Variants in STAT4 observed in about 807,000 individuals in gnomAD.
STAT4 encodes the protein signal transducer and activator of transcription 4.
In STAT4, 42 loss-of-function variants were observed where a neutral mutation model predicts 110.5. That is an observed-to-expected ratio of 0.38 (90% CI 0.30 to 0.49). The LOEUF (loss-of-function observed/expected upper bound fraction) is 0.49. Ranked by LOEUF, STAT4 falls within the 20% of genes least tolerant of loss-of-function variation. The pLI is 0.95. For synonymous variants in STAT4, 284 were observed against 302.2 expected (o/e 0.94, Z 0.63); for missense variants, 632 against 887.9 (o/e 0.71, Z 3.66).
rs144091208 is a variant in STAT4, at chr2:191,033,986, G to A, written c.1640C>T (p.Ser547Leu). The A allele has an allele frequency of 6.2e-7, 1 of 1,608,738 alleles. No homozygotes were observed. Among genetic ancestry groups the A allele is most frequent in the Non-Finnish European group, 8.5e-7 (1 of 1,177,386 alleles). The change falls in exon 19 of 24, where the codon TCA (serine) becomes TTA (leucine). Residue 547 changes from serine to leucine, a missense_variant. This residue lies in a region of STAT4 where 74 missense variants were observed against 154.3 expected (regional missense o/e 0.48). Transcript: ENST00000392320. The surrounding 1 kb of genome is among the most constrained non-coding windows in gnomAD (Gnocchi z 6.9). ...KFCKEHLPGK[S>L]FTFWTWLEAI... The stretch of plus-strand genomic sequence containing the variant: ...TTCAAGCCATGTCCAAAAGGTAAAT[G>A]ATTTACCAGGTAAATGTTCCTACAG...
In STAT4 at chr2:191,111,735, G is replaced by C. The variant is rs572597285; in HGVS notation, c.273+34878C>G. ...AAATTAACCAGGAATGGTGGTGCTC[G>C]CCTGTAGTGCCAGCTCTCAAGAGGC... On this transcript the variant is annotated intron_variant, in intron 3 of 23. Transcript: ENST00000392320. 1.3e-3 allele frequency among the ~76,000 whole-genome samples: 192 copies of C among 152,224 alleles called. 2 individuals are homozygous for C. Among genetic ancestry groups the C allele is most frequent in the African/African-American group, 4.6e-3 (192 of 41,524 alleles).
chr2:191,148,034 C>T (rs1322967308), intron 2 of STAT4, 42 bp downstream of exon 2: 2 of 1,611,792 alleles, frequency 1.2e-6, no homozygotes, highest in Non-Finnish European at 8.5e-7. Context: ...GAGCATCAGA[C>T]ATTTGTGCAT....
chr2:191,048,788 CAAAAAAAAAA>C (rs60267174), intron 14 of STAT4, among the ~76,000 whole-genome samples: 2 of 48,768 alleles, frequency 4.1e-5, no homozygotes, highest in African/African-American at 2.0e-4. Context: ...AACTCCATCT[CAAAAAAAAAA>C]AAAAAAAAAA....
chr2:191,036,584 C>T (rs902489723), intron 16 of STAT4, among the ~76,000 whole-genome samples: 2 of 152,198 alleles, frequency 1.3e-5, no homozygotes, highest in Non-Finnish European at 2.9e-5. Flanking sequence ...TGAAGAATGC[C>T]AACCCCAAAT....
intron 3 of STAT4, among the ~76,000 whole-genome samples, chr2:191,115,389 T>G (rs754670102): frequency 1.3e-5 from 2 of 152,148 alleles, no homozygotes; most frequent in Non-Finnish European, 2.9e-5. Flanking sequence ...ATGGATCCAA[T>G]GAAATAAAGC....
intron 3 of STAT4, among the ~76,000 whole-genome samples, chr2:191,096,127 A>G (rs1697971782): frequency 6.6e-6 from 1 of 152,220 alleles, no homozygotes; most frequent in South Asian, 2.1e-4. Context: ...GAAATAATTA[A>G]TAGCCTACCA....
Position 191,031,333 on chromosome 2 carries a change from TG to T in STAT4, c.2111+116del. On this transcript the variant is annotated intron_variant, in intron 22 of 23. Coordinates refer to ENST00000392320, the MANE Select transcript of STAT4 (RefSeq NM_003151.4). This position sits in a 1 kb window ranked among gnomAD's most constrained non-coding sequence, Gnocchi z 4.8. ...GGCTAGCCTTATGTATTAAAGGAAA[TG>T]GGACATTGCACATTACAATGCTTTG... 1 of 1,082,460 alleles carries T rather than the reference TG, an allele frequency of 9.2e-7. No individual in the cohort carries two copies. The highest frequency in any genetic ancestry group is 1.3e-6 in the Non-Finnish European group (1 of 753,754). 67.1% of individuals were successfully genotyped at this position (1,082,460 alleles called of 1,614,324 possible). A position where few individuals can be genotyped will look rare whatever the true frequency, so the allele number is the denominator to read the frequency against.
chr2:191,119,337 C>T (rs1423155429), intron 3 of STAT4, among the ~76,000 whole-genome samples: 1 of 152,050 alleles, frequency 6.6e-6, no homozygotes. Context: ...TTTTAGATAT[C>T]AATTATGGCA....
intron 13 of STAT4, among the ~76,000 whole-genome samples, chr2:191,054,831 G>A (rs1473205236): frequency 1.3e-5 from 2 of 152,156 alleles, no homozygotes; most frequent in African/African-American, 4.8e-5. Flanking sequence ...AATCTATACA[G>A]CACTCCTTGG....
At chr2:191,133,909 T>C (rs1699109811) in intron 3 of STAT4, among the ~76,000 whole-genome samples, 1 of 148,238 alleles carries the variant, frequency 6.7e-6, no homozygotes, top group African/African-American at 2.6e-5. Flanking sequence ...AAAAGAATAT[T>C]ATTCAGCAGC....
In STAT4 at chr2:191,138,647, G is replaced by A. The variant is rs1468193205; in HGVS notation, c.273+7966C>T. 6.6e-6 allele frequency among the ~76,000 whole-genome samples: 1 copy of A among 152,138 alleles called. No homozygotes were observed. Among genetic ancestry groups the A allele is most frequent in the Non-Finnish European group, 1.5e-5 (1 of 68,012 alleles). On this transcript the variant is annotated intron_variant, in intron 3 of 23. Transcript: ENST00000392320. The surrounding 1 kb of genome is among the most constrained non-coding windows in gnomAD (Gnocchi z 4.3). ...TGCCAACCAAAAAAGTCCAGGACCA[G>A]ATGGATTCACAGCTGAATTCTATCA...
At chr2:191,094,829 C>T (rs1345264787) in intron 3 of STAT4, among the ~76,000 whole-genome samples, 1 of 146,414 alleles carries the variant, frequency 6.8e-6, no homozygotes, top group Non-Finnish European at 1.5e-5. Flanking sequence ...CATCAGTGTG[C>T]TATATTCAGG....
At chr2:191,081,672 C>T (rs1159314103) in intron 3 of STAT4, among the ~76,000 whole-genome samples, 1 of 152,082 alleles carries the variant, frequency 6.6e-6, no homozygotes, top group Non-Finnish European at 1.5e-5. Flanking sequence ...ATCCTTTGCC[C>T]ACATAAAGTT....
Position 191,039,192 on chromosome 2 carries a change from A to G in STAT4, c.1434+7T>C. Reference sequence around the variant, plus strand: ...ATTAAAGAAGTTGAGGTAGAAATAGAGTCTACCTGGGAATCGTTGGTTGAC... The same window carrying G: ...ATTAAAGAAGTTGAGGTAGAAATAGGGTCTACCTGGGAATCGTTGGTTGAC... On this transcript the variant is annotated splice_region_variant and intron_variant, in intron 16 of 23. Transcript: ENST00000392320. The surrounding 1 kb of genome is among the most constrained non-coding windows in gnomAD (Gnocchi z 4.7). The G allele has an allele frequency of 6.2e-7, 1 of 1,608,224 alleles. No individual in the cohort carries two copies. The highest frequency in any genetic ancestry group is 8.5e-7 in the Non-Finnish European group (1 of 1,174,586).
chr2:191,097,012 C>T (rs1698006407), intron 3 of STAT4, among the ~76,000 whole-genome samples: 1 of 152,156 alleles, frequency 6.6e-6, no homozygotes, highest in Admixed American at 6.5e-5. Context: ...AGTGAACTCC[C>T]ATTCCCAATT....
At chr2:191,078,933 G>A (rs1366534233) in intron 3 of STAT4, among the ~76,000 whole-genome samples, 1 of 152,008 alleles carries the variant, frequency 6.6e-6, no homozygotes, top group Non-Finnish European at 1.5e-5. Flanking sequence ...TAATTAACTT[G>A]GAGCTTGTTA....
chr2:191,033,213 C>A lies in STAT4; in HGVS notation c.1853-64G>T, dbSNP rs756183764. On this transcript the variant is annotated intron_variant, in intron 20 of 23. Coordinates refer to ENST00000392320, the MANE Select transcript of STAT4 (RefSeq NM_003151.4). The surrounding 1 kb of genome is among the most constrained non-coding windows in gnomAD (Gnocchi z 6.9). ...TACACATTCCTTGTGACCATTTCTT[C>A]CCTGCCCACATTATCTTCATGCCAC... 1.5e-4 allele frequency: 228 copies of A among 1,507,086 alleles called. No homozygotes were observed. Among genetic ancestry groups the A allele is most frequent in the Non-Finnish European group, 1.9e-4 (216 of 1,110,744 alleles). The allele number at this position is 1,507,086 out of a possible 1,614,324, so 93.4% of individuals were successfully genotyped here. A position where few individuals can be genotyped will look rare whatever the true frequency, so the allele number is the denominator to read the frequency against.
In STAT4 at chr2:191,037,450, A is replaced by T. The variant is rs757796921; in HGVS notation, c.1435-1151T>A. Among the ~76,000 whole-genome samples the T allele has an allele frequency of 1.3e-5, 2 of 152,202 alleles. No individual in the cohort carries two copies. The highest frequency in any genetic ancestry group is 2.9e-5 in the Non-Finnish European group (2 of 68,036). ...ACTACAGGTGTGTACCATTGTGCCC[A>T]GCTAAATAAGAGAATATTCTGTGTG... On this transcript the variant is annotated intron_variant, in intron 16 of 23. Transcript: ENST00000392320. This position sits in a 1 kb window ranked among gnomAD's most constrained non-coding sequence, Gnocchi z 4.8.
At chr2:191,114,657 G>A (rs912475154) in intron 3 of STAT4, among the ~76,000 whole-genome samples, 34 of 152,206 alleles carry the variant, frequency 2.2e-4, no homozygotes, top group African/African-American at 6.3e-4. Context: ...CAAAAGTGAC[G>A]TCACTTTTGT....
Sources: allele counts gnomAD v4.1 joint callset (sites outside exome capture counted in the v4.1 genomes callset), GRCh38; gene constraint gnomAD v4.1.1; regional missense constraint gnomAD v4.1.1; non-coding constraint Gnocchi (gnomAD v3.1); transcripts MANE v1.5; gene names NCBI Gene and HGNC (gene_info 2026-07-23, HGNC 2026-07-21).